Variants in DENND2B observed in about 807,000 individuals in gnomAD.
DENND2B encodes DENN domain-containing protein 2B.
In DENND2B, 32 loss-of-function variants were observed where a neutral mutation model predicts 116.0. The ratio of observed to expected loss-of-function variants is 0.28; its 90% CI spans 0.21 to 0.37. The LOEUF (loss-of-function observed/expected upper bound fraction) is 0.37. Among genes scored for constraint, DENND2B ranks in the 10% least tolerant of loss-of-function variants. The pLI is 1.00. For missense variants in DENND2B, 1,276 were observed against 1,477.7 expected, an observed-to-expected ratio of 0.86 and a Z score of 2.24; for synonymous variants, 588 against 583.9, an observed-to-expected ratio of 1.01 and a Z score of -0.10.
intron 1 of DENND2B, chr11:8,786,958 C>G (rs1454138686): frequency 6.6e-6 from 1 of 152,138 alleles, no homozygotes; most frequent in East Asian, 1.9e-4. Flanking sequence ...CTACTGTGTG[C>G]CAAGCATTGT....
chr11:8,744,239 T>C (rs867116689), intron 2 of DENND2B, among the ~76,000 whole-genome samples: 1 of 151,796 alleles, frequency 6.6e-6, no homozygotes, highest in South Asian at 2.1e-4. Context: ...GTTCAAGGGA[T>C]TCTCCTGCCT....
intron 1 of DENND2B, among the ~76,000 whole-genome samples, chr11:8,798,390 G>T (rs972783860): frequency 6.6e-6 from 1 of 152,198 alleles, no homozygotes; most frequent in Non-Finnish European, 1.5e-5. Context: ...CCCAGGGAAA[G>T]ATTGTAAATT....
intron 4 of DENND2B, chr11:8,718,244 T>C (rs942045813): frequency 4.4e-5 from 45 of 1,028,240 alleles, no homozygotes; most frequent in Non-Finnish European, 6.3e-5. Flanking sequence ...TTTCCTTGGC[T>C]CCCTTCCCTC....
chr11:8,716,633 C>T (rs1281205303), intron 5 of DENND2B, among the ~76,000 whole-genome samples: 3 of 150,366 alleles, frequency 2.0e-5, no homozygotes, highest in African/African-American at 4.9e-5. Flanking sequence ...GAAAAGAGTC[C>T]TAATTAGAGG....
intron 1 of DENND2B, among the ~76,000 whole-genome samples, chr11:8,910,508 C>G (rs2064304398): frequency 6.6e-6 from 1 of 152,122 alleles, no homozygotes; most frequent in Admixed American, 6.5e-5. Context: ...ATCCTCCCAC[C>G]TCGACCCTCC....
chr11:8,824,046 G>T (rs1382068829), intron 4 of DENND2B, among the ~76,000 whole-genome samples: 4 of 151,804 alleles, frequency 2.6e-5, no homozygotes, highest in Non-Finnish European at 5.9e-5. Context: ...GGGACTACAG[G>T]TGCCCACCAC....
At chr11:8,695,771 G>A in intron 18 of DENND2B, 1 of 565,606 alleles carries the variant, frequency 1.8e-6, no homozygotes. Flanking sequence ...GCCTCCCCAT[G>A]CACATTCCCA....
Position 8,897,083 on chromosome 11 carries a change from C to CA in DENND2B, c.-256+13737dup, listed in dbSNP as rs201800451. Among the ~76,000 whole-genome samples, 108 of 142,506 alleles carry CA rather than the reference C, an allele frequency of 7.6e-4. 2 individuals carry two copies. The South Asian group carries it at 0.018, about 24-fold the overall frequency. 93.5% of individuals were successfully genotyped at this position (142,506 alleles called of 152,430 possible). ...GCGAAGCCCATCTCTACAAAAAATA[C>CA]AAAAAAAATTTTTTTTTTTAAAAAC... On this transcript the variant is annotated intron_variant, in intron 1 of 22. Transcript: ENST00000534127.
At chr11:8,780,840 C>T (rs1342604092) in intron 1 of DENND2B, among the ~76,000 whole-genome samples, 2 of 152,100 alleles carry the variant, frequency 1.3e-5, no homozygotes, top group African/African-American at 4.8e-5. Context: ...AGAGAGAGAA[C>T]TGAGGTAAGC....
At chr11:8,732,832 C>T (rs566929728) in intron 2 of DENND2B, among the ~76,000 whole-genome samples, 2 of 152,378 alleles carry the variant, frequency 1.3e-5, no homozygotes, top group Admixed American at 1.3e-4. Context: ...CCGTGGCCCT[C>T]AGCTCTGGGC....
rs1451628677 is a variant in DENND2B, at chr11:8,712,689, G to T, written c.2034C>A (p.Ala678=). 8 of 1,611,988 alleles carry T rather than the reference G, an allele frequency of 5.0e-6. No individual in the cohort carries two copies. Among genetic ancestry groups the T allele is most frequent in the Non-Finnish European group, 6.8e-6 (8 of 1,179,350 alleles). ...CCAGCTCCAGCGTGCGATAGCTGGG[G>T]GCGCGCTTCAGCATCGACTGGATGT... ...LVHIQSMLKR[A]PSYRTLELEL... Residue 678 remains alanine, a synonymous_variant, in exon 9 of 20, where the codon GCC becomes GCA. Transcript: ENST00000313726. The surrounding 1 kb of genome is among the most constrained non-coding windows in gnomAD (Gnocchi z 4.4).
At chr11:8,904,340 A>T (rs2064208861) in intron 1 of DENND2B, among the ~76,000 whole-genome samples, 1 of 152,224 alleles carries the variant, frequency 6.6e-6, no homozygotes, top group African/African-American at 2.4e-5. Flanking sequence ...TTCATGATAA[A>T]AACTTTCACT....
At chr11:8,767,586 T>C (rs1267119785) in intron 1 of DENND2B, among the ~76,000 whole-genome samples, 1 of 152,182 alleles carries the variant, frequency 6.6e-6, no homozygotes, top group African/African-American at 2.4e-5. Context: ...AGCTTACTAA[T>C]ATTCGTCAAA....
At position 8,712,321 on chromosome 11, in the gene DENND2B, C is replaced by A. The variant is rs1001701714; in HGVS notation, c.2172+230G>T. Among the ~76,000 whole-genome samples the A allele has an allele frequency of 2.0e-5, 3 of 152,150 alleles. No homozygotes were observed. Among genetic ancestry groups the A allele is most frequent in the African/African-American group, 7.2e-5 (3 of 41,428 alleles). ...CAATTGTTCTGGATTTTATTATAAG[C>A]ACATTGAGAGGTTCTTTCTTAGTCC... On this transcript the variant is annotated intron_variant, in intron 9 of 19. Transcript: ENST00000313726. The surrounding 1 kb of genome is among the most constrained non-coding windows in gnomAD (Gnocchi z 4.4).
intron 11 of DENND2B, among the ~76,000 whole-genome samples, chr11:8,709,366 C>T (rs1219747520): frequency 6.6e-6 from 1 of 152,200 alleles, no homozygotes; most frequent in Non-Finnish European, 1.5e-5. Context: ...GCCCCCTTGG[C>T]AGAGACCCAG....
chr11:8,820,561 T>C (rs923207421), intron 4 of DENND2B, among the ~76,000 whole-genome samples: 1 of 152,188 alleles, frequency 6.6e-6, no homozygotes, highest in African/African-American at 2.4e-5. Flanking sequence ...AAAGAATGTT[T>C]TACATTGTAA....
At chr11:8,756,173 T>A (rs1296847303) in intron 1 of DENND2B, among the ~76,000 whole-genome samples, 2 of 152,154 alleles carry the variant, frequency 1.3e-5, no homozygotes, top group Non-Finnish European at 2.9e-5. Context: ...GGCAAAAGAT[T>A]TGTGGCATGA....
intron 1 of DENND2B, among the ~76,000 whole-genome samples, chr11:8,802,861 G>C (rs1252622272): frequency 2.0e-5 from 3 of 152,156 alleles, no homozygotes; most frequent in Non-Finnish European, 2.9e-5. Flanking sequence ...AGGCCTCCTT[G>C]TACTGCCCTA....
intron 2 of DENND2B, among the ~76,000 whole-genome samples, chr11:8,739,234 G>T (rs1030274385): frequency 2.6e-5 from 4 of 152,158 alleles, no homozygotes; most frequent in Non-Finnish European, 5.9e-5. Flanking sequence ...ACAGAGAAAG[G>T]TACACGAAGC....
Sources: allele counts gnomAD v4.1 joint callset (sites outside exome capture counted in the v4.1 genomes callset), GRCh38; gene constraint gnomAD v4.1.1; non-coding constraint Gnocchi (gnomAD v3.1); transcripts MANE v1.5; gene names NCBI Gene and HGNC (gene_info 2026-07-23, HGNC 2026-07-21).